HNRNPC: variants seen among roughly 807,000 people sequenced by gnomAD.
The protein encoded by HNRNPC is heterogeneous nuclear ribonucleoprotein C.
In HNRNPC, 3 loss-of-function variants were observed where a neutral mutation model predicts 33.2. That is an observed-to-expected ratio of 0.09 (90% CI 0.04 to 0.23). The LOEUF is 0.23. HNRNPC is among the 10% of genes least tolerant of loss of function. HNRNPC has a pLI of 1.00. For synonymous variants in HNRNPC, 121 were observed against 126.7 expected, an observed-to-expected ratio of 0.96 and a Z score of 0.30; for missense variants, 143 against 366.7, an observed-to-expected ratio of 0.39 and a Z score of 4.98.
chr14:21,258,515 G>T (rs1027431419), intron 2 of HNRNPC, among the ~76,000 whole-genome samples: 1 of 152,122 alleles, frequency 6.6e-6, no homozygotes, highest in African/African-American at 2.4e-5. Flanking sequence ...TTAACTTTAG[G>T]CAAGTTATTT....
intron 2 of HNRNPC, among the ~76,000 whole-genome samples, chr14:21,243,016 T>G (rs572620046): frequency 8.0e-4 from 122 of 152,168 alleles, no homozygotes; most frequent in African/African-American, 2.8e-3. Flanking sequence ...TCCCAGCTAC[T>G]TGGGAGGCTG....
At chr14:21,220,884 T>G (rs1162391168) in intron 5 of HNRNPC, among the ~76,000 whole-genome samples, 1 of 151,404 alleles carries the variant, frequency 6.6e-6, no homozygotes, top group East Asian at 1.9e-4. Context: ...ACCAGCAGTT[T>G]GACACCAGCC....
At chr14:21,243,955 T>C (rs1162000352) in intron 2 of HNRNPC, among the ~76,000 whole-genome samples, 1 of 147,816 alleles carries the variant, frequency 6.8e-6, no homozygotes, top group Admixed American at 7.0e-5. Context: ...ATAAAAATGT[T>C]GATGGTGGTT....
chr14:21,236,204 C>A (rs893719771), intron 2 of HNRNPC, among the ~76,000 whole-genome samples: 3 of 152,116 alleles, frequency 2.0e-5, no homozygotes, highest in African/African-American at 4.8e-5. Flanking sequence ...AGCATCCAGG[C>A]ATACAAGGAT....
chr14:21,235,873 G>C (rs939893195), intron 2 of HNRNPC, among the ~76,000 whole-genome samples: 1 of 152,018 alleles, frequency 6.6e-6, no homozygotes, highest in Non-Finnish European at 1.5e-5. Flanking sequence ...TACCAGGGGT[G>C]AGGGGCTCCG....
chr14:21,255,683 G>A (rs909648224), intron 2 of HNRNPC, among the ~76,000 whole-genome samples: 4 of 152,188 alleles, frequency 2.6e-5, no homozygotes, highest in Non-Finnish European at 5.9e-5. Flanking sequence ...ATAGTCTTAA[G>A]CACATAGTAC....
At chr14:21,220,284 C>T (rs930551622) in intron 5 of HNRNPC, among the ~76,000 whole-genome samples, 3 of 147,816 alleles carry the variant, frequency 2.0e-5, no homozygotes, top group Non-Finnish European at 4.4e-5. Flanking sequence ...GTTGTCCAAG[C>T]TGCAGTGCAA....
rs1891519113 is a variant in HNRNPC at position 21,210,873 on chromosome 14, C to CTTAT, written c.*346_*349dup. 1 of 253,136 alleles carries CTTAT rather than the reference C, an allele frequency of 4.0e-6. No homozygotes were observed. The highest frequency in any genetic ancestry group is 2.2e-5 in the African/African-American group (1 of 45,038). The allele number at this position is 253,136 out of a possible 1,614,324, so 15.7% of individuals were successfully genotyped here. A position where few individuals can be genotyped will look rare whatever the true frequency, so the allele number is the denominator to read the frequency against. On this transcript the variant is annotated 3_prime_UTR_variant, in exon 9 of 9. Coordinates refer to ENST00000553300, the MANE Select transcript of HNRNPC (RefSeq NM_004500.4). ...TGCAGTTAGGGAAGCAACTACTGAA[C>CTTAT]TTATGTATGAATGAAAAGAACTGTA...
Position 21,209,810 on chromosome 14 carries a change from A to C in HNRNPC, c.*1413T>G, listed in dbSNP as rs1211181349. The stretch of plus-strand genomic sequence containing the variant: ...TTTTCTGCTATGCTGGAAAAACTGA[A>C]GTATAAAACACAAATGAACTAAGCC... On this transcript the variant is annotated 3_prime_UTR_variant, in exon 9 of 9. Coordinates refer to ENST00000553300, the MANE Select transcript of HNRNPC (RefSeq NM_004500.4). The C allele has an allele frequency of 2.0e-5, 3 of 152,230 alleles. No individual in the cohort carries two copies. Among genetic ancestry groups the C allele is most frequent in the African/African-American group, 7.2e-5 (3 of 41,466 alleles). 9.4% of individuals were successfully genotyped at this position (152,230 alleles called of 1,614,324 possible). A position where few individuals can be genotyped will look rare whatever the true frequency, so the allele number is the denominator to read the frequency against.
At chr14:21,238,193 C>G (rs1291248474) in intron 2 of HNRNPC, among the ~76,000 whole-genome samples, 2 of 152,140 alleles carry the variant, frequency 1.3e-5, no homozygotes, top group Non-Finnish European at 2.9e-5. Context: ...TGGTCATATT[C>G]TATATGAATT....
intron 2 of HNRNPC, among the ~76,000 whole-genome samples, chr14:21,251,954 C>T (rs1896726980): frequency 6.6e-6 from 1 of 151,972 alleles, no homozygotes; most frequent in African/African-American, 2.4e-5. Context: ...ACAGGTATAA[C>T]AAAATAATAA....
At chr14:21,229,383 A>G (rs1205141497) in intron 5 of HNRNPC, among the ~76,000 whole-genome samples, 5 of 152,108 alleles carry the variant, frequency 3.3e-5, no homozygotes, top group Non-Finnish European at 5.9e-5. Context: ...AAAAAAAAAA[A>G]AAAATCTGAG....
intron 5 of HNRNPC, among the ~76,000 whole-genome samples, chr14:21,226,560 G>T (rs1335799742): frequency 6.9e-6 from 1 of 144,122 alleles, no homozygotes; most frequent in Non-Finnish European, 1.5e-5. Context: ...GCCTTCAAAT[G>T]AATATTAAAA....
At chr14:21,242,025 C>G (rs958156736) in intron 2 of HNRNPC, among the ~76,000 whole-genome samples, 1 of 152,242 alleles carries the variant, frequency 6.6e-6, no homozygotes, top group African/African-American at 2.4e-5. Context: ...AAAATTGGAA[C>G]CAACCTCACT....
At chr14:21,249,887 G>T (rs115817783) in intron 2 of HNRNPC, among the ~76,000 whole-genome samples, 41 of 152,248 alleles carry the variant, frequency 2.7e-4, no homozygotes, top group African/African-American at 9.6e-4. Context: ...ATATTTTAAA[G>T]AATGCTTTAC....
At chr14:21,253,696 TTAAG>T (rs1159448592) in intron 2 of HNRNPC, among the ~76,000 whole-genome samples, 2 of 152,038 alleles carry the variant, frequency 1.3e-5, no homozygotes, top group Non-Finnish European at 2.9e-5. Context: ...AAACTAGAAA[TTAAG>T]TATTAGTGGC....
intron 5 of HNRNPC, among the ~76,000 whole-genome samples, chr14:21,226,337 A>C (rs2139589659): frequency 6.6e-6 from 1 of 151,774 alleles, no homozygotes; most frequent in African/African-American, 2.4e-5. Context: ...GAAAAAAAAA[A>C]AAAAAAAAGA....
At chr14:21,237,676 A>G (rs1211613306) in intron 2 of HNRNPC, among the ~76,000 whole-genome samples, 1 of 152,214 alleles carries the variant, frequency 6.6e-6, no homozygotes, top group Non-Finnish European at 1.5e-5. Flanking sequence ...TAGAAATCCT[A>G]AGAACAGTCC....
At chr14:21,230,953 C>T (rs766497371) in intron 4 of HNRNPC, 44 bp downstream of exon 4, 3 of 1,610,532 alleles carry the variant, frequency 1.9e-6, no homozygotes, top group Admixed American at 1.7e-5. Flanking sequence ...AATAAAGTTC[C>T]GGACCTGAGT....
Sources: gnomAD v4.1 joint callset for allele counts (sites outside exome capture counted in the v4.1 genomes callset) on GRCh38, gnomAD v4.1.1 for gene constraint, MANE v1.5 for transcripts, NCBI Gene and HGNC (gene_info 2026-07-23, HGNC 2026-07-21) for gene names.